Variants in SLC7A14 observed in about 807,000 individuals in gnomAD.
SLC7A14 encodes the protein solute carrier family 7 member 14.
In SLC7A14, 37 loss-of-function variants were observed where a neutral mutation model predicts 60.2. That is an observed-to-expected ratio of 0.61 (90% CI 0.47 to 0.81). SLC7A14 has a LOEUF of 0.81. SLC7A14 is among the 30% of genes least tolerant of loss of function. The pLI is 0.00. For synonymous variants in SLC7A14, 399 were observed against 395.8 expected (o/e 1.01, Z -0.10); for missense variants, 886 against 982.7 (o/e 0.90, Z 1.32).
intron 1 of SLC7A14, among the ~76,000 whole-genome samples, chr3:170,540,899 G>A (rs1250862823): frequency 6.6e-6 from 1 of 152,090 alleles, no homozygotes; most frequent in Non-Finnish European, 1.5e-5. Context: ...GCCAGGTAAG[G>A]AACAATTGTT....
In SLC7A14 at chr3:170,481,163, G is replaced by A; in HGVS notation, c.1119C>T (p.Phe373=). 1 of 1,612,506 alleles carries A rather than the reference G, an allele frequency of 6.2e-7. No individual in the cohort carries two copies. The highest frequency in any genetic ancestry group is 8.5e-7 in the Non-Finnish European group (1 of 1,179,250). ...AMAGDGLLFR[F]LAHVSSYTET... is the part of the protein sequence containing the mutation. ...CTGTGTAGGAGCTGACGTGAGCCAGGAACCTGGAGGGGCCGGGCAAGCAGA... is the reference window on the plus strand; with the variant it reads ...CTGTGTAGGAGCTGACGTGAGCCAGAAACCTGGAGGGGCCGGGCAAGCAGA... The change falls in exon 7 of 8, where the codon TTC becomes TTT. Residue 373 remains phenylalanine (F), a synonymous_variant. Coordinates refer to ENST00000231706, the MANE Select transcript of SLC7A14 (RefSeq NM_020949.3).
intron 1 of SLC7A14, 62 bp from the exon 2 acceptor site, chr3:170,527,150 G>A (rs1043830051): frequency 6.8e-6 from 4 of 590,838 alleles, no homozygotes; most frequent in East Asian, 2.9e-5. Flanking sequence ...CTTGACTTGC[G>A]GGGATGGTTG....
At chr3:170,579,073 T>C (rs1274051109) in intron 1 of SLC7A14, among the ~76,000 whole-genome samples, 1 of 152,156 alleles carries the variant, frequency 6.6e-6, no homozygotes, top group African/African-American at 2.4e-5. Flanking sequence ...CCCTGAATCT[T>C]TGAGAAAAGA....
At chr3:170,550,940 GT>G (rs566337567) in intron 1 of SLC7A14, among the ~76,000 whole-genome samples, 13 of 152,134 alleles carry the variant, frequency 8.5e-5, no homozygotes, top group African/African-American at 2.9e-4. Flanking sequence ...ATATTTCAGT[GT>G]TTTTTTAGTA....
intron 4 of SLC7A14, among the ~76,000 whole-genome samples, chr3:170,490,560 C>A (rs532258305): frequency 6.6e-6 from 1 of 152,192 alleles, no homozygotes; most frequent in Non-Finnish European, 1.5e-5. Flanking sequence ...ACTTGAAGAG[C>A]AGAAGACTCA....
chr3:170,501,193 C>A lies in SLC7A14; in HGVS notation c.457G>T (p.Ala153Ser). The change falls in exon 3 of 8, where the codon GCT becomes TCT. Residue 153 changes from alanine (A) to serine (S), a missense_variant. By Grantham distance (99) the Ala-to-Ser change is moderately conservative. Transcript: ENST00000231706. ...AGTGAGTCAAACATGCTGCTCAGAG[C>A]ACTGGCTCCGGCCGCAGTGCCAATC... The part of the protein sequence containing the change: ...YLIGTAAGAS[A>S]LSSMFDSLAN... 6.2e-7 allele frequency: 1 copy of A among 1,614,204 alleles called. No individual in the cohort carries two copies. Among genetic ancestry groups the A allele is most frequent in the Non-Finnish European group, 8.5e-7 (1 of 1,180,042 alleles).
intron 7 of SLC7A14, among the ~76,000 whole-genome samples, chr3:170,470,360 G>GTGTGT (rs1739861761): frequency 6.6e-6 from 1 of 151,648 alleles, no homozygotes; most frequent in Non-Finnish European, 1.5e-5. Context: ...GTCTGTGTCT[G>GTGTGT]CGCGCTCTCA....
Position 170,483,340 on chromosome 3 carries a change from G to T in SLC7A14, c.1089C>A (p.Ala363=), listed in dbSNP as rs1266296455. The T allele has an allele frequency of 6.2e-7, 1 of 1,614,132 alleles. No individual in the cohort carries two copies. The highest frequency in any genetic ancestry group is 2.2e-5 in the East Asian group (1 of 44,882). ...TGAAAAGGAGCCCGTCACCAGCCAT[G>T]GCATAAATGACCCTCGGCATCGGGA... ...SLFPMPRVIY[A]MAGDGLLFRF... Residue 363 remains alanine (A), a synonymous_variant, in exon 6 of 8, where the codon GCC becomes GCA. Coordinates refer to ENST00000231706, the MANE Select transcript of SLC7A14 (RefSeq NM_020949.3).
chr3:170,575,839 C>T (rs191173387), intron 1 of SLC7A14, among the ~76,000 whole-genome samples: 3 of 152,214 alleles, frequency 2.0e-5, no homozygotes, highest in African/African-American at 7.2e-5. Context: ...CTCCATGAGC[C>T]CTGAATTCAA....
In SLC7A14 at chr3:170,514,445, A is replaced by G. The variant is rs536467098; in HGVS notation, c.304+12188T>C. 3.3e-5 allele frequency among the ~76,000 whole-genome samples: 5 copies of G among 152,370 alleles called. No individual in the cohort carries two copies. The South Asian group carries it at 1.0e-3, about 32-fold the overall frequency. On this transcript the variant is annotated intron_variant, in intron 2 of 7. Transcript: ENST00000231706. ...TGCACAAAGTTGAGGCTGCTTAAGT[A>G]TCACTTCTTCAGAAAAAGTACTTTG...
chr3:170,498,970 T>G lies in SLC7A14; in HGVS notation c.542-86A>C, dbSNP rs1305612001. The G allele has an allele frequency of 4.5e-6, 6 of 1,331,938 alleles. No homozygotes were observed. In the African/African-American group the frequency reaches 7.2e-5, roughly 16 times the overall value. The allele number at this position is 1,331,938 out of a possible 1,614,324, so 82.5% of individuals were successfully genotyped here. A position where few individuals can be genotyped will look rare whatever the true frequency, so the allele number is the denominator to read the frequency against. ...TGGTCCTACCCCACTGCATCCGTAC[T>G]CAGCTTTAAGAAGGGCAGTAAACTG... On this transcript the variant is annotated intron_variant, in intron 3 of 7. Coordinates refer to ENST00000231706, the MANE Select transcript of SLC7A14 (RefSeq NM_020949.3).
chr3:170,467,529 T>C (rs1297961641), intron 7 of SLC7A14, 152 bp from the exon 8 acceptor site: 3 of 588,132 alleles, frequency 5.1e-6, no homozygotes, highest in East Asian at 6.2e-5. Flanking sequence ...TGTGGTGTTT[T>C]GAAAATACTT....
intron 7 of SLC7A14, among the ~76,000 whole-genome samples, chr3:170,474,120 G>A (rs1445766429): frequency 1.3e-5 from 2 of 152,062 alleles, no homozygotes; most frequent in African/African-American, 4.8e-5. Flanking sequence ...AATATATTGT[G>A]GTATATTAAC....
chr3:170,516,935 T>C lies in SLC7A14; in HGVS notation c.304+9698A>G, dbSNP rs558514232. On this transcript the variant is annotated intron_variant, in intron 2 of 7. Transcript: ENST00000231706. ...ACCTCTTTGAGCCTGAGTTTTGTCATCTGCAAAATAAGTATGATAATGGCA... is the reference window on the plus strand; with the variant it reads ...ACCTCTTTGAGCCTGAGTTTTGTCACCTGCAAAATAAGTATGATAATGGCA... Among the ~76,000 whole-genome samples, 3 of 152,312 alleles carry C rather than the reference T, an allele frequency of 2.0e-5. No individual in the cohort carries two copies. In the East Asian group the frequency reaches 5.8e-4, roughly 29 times the overall value.
intron 1 of SLC7A14, among the ~76,000 whole-genome samples, chr3:170,546,634 A>G (rs1483954787): frequency 6.6e-6 from 1 of 152,226 alleles, no homozygotes; most frequent in African/African-American, 2.4e-5. Flanking sequence ...CCAAACAATC[A>G]GATCTCCAAG....
intron 2 of SLC7A14, among the ~76,000 whole-genome samples, chr3:170,515,901 C>T (rs1407452486): frequency 6.6e-6 from 1 of 152,150 alleles, no homozygotes; most frequent in East Asian, 1.9e-4. Flanking sequence ...CATCTTGTTT[C>T]TTCATATTGA....
rs1739631958 is a variant in SLC7A14 at position 170,462,714 on chromosome 3, G to A, written c.*4341C>T. ...CCACTGCACTCCAGCCTGGGTGACA[G>A]AATGAGACTCTGTCTAAAAAAAAAA... On this transcript the variant is annotated 3_prime_UTR_variant, in exon 8 of 8. Transcript: ENST00000231706. 1 of 135,578 alleles carries A rather than the reference G, an allele frequency of 7.4e-6. No individual in the cohort carries two copies. Among genetic ancestry groups the A allele is most frequent in the African/African-American group, 2.6e-5 (1 of 37,772 alleles). 8.4% of individuals were successfully genotyped at this position (135,578 alleles called of 1,614,324 possible). A position where few individuals can be genotyped will look rare whatever the true frequency, so the allele number is the denominator to read the frequency against.
intron 2 of SLC7A14, among the ~76,000 whole-genome samples, chr3:170,509,558 C>T (rs951245685): frequency 6.6e-6 from 1 of 152,204 alleles, no homozygotes; most frequent in Non-Finnish European, 1.5e-5. Flanking sequence ...ACCTGTAATC[C>T]CAGCACTTTG....
intron 1 of SLC7A14, among the ~76,000 whole-genome samples, chr3:170,563,614 T>A (rs909191488): frequency 5.9e-5 from 9 of 151,928 alleles, no homozygotes; most frequent in African/African-American, 2.2e-4. Flanking sequence ...AGAGACAGGG[T>A]TTCACCATGT....
Sources: gnomAD v4.1 joint callset for allele counts (sites outside exome capture counted in the v4.1 genomes callset) on GRCh38, gnomAD v4.1.1 for gene constraint, MANE v1.5 for transcripts, NCBI Gene and HGNC (gene_info 2026-07-23, HGNC 2026-07-21) for gene names.